CFAP54: variants seen among roughly 807,000 people sequenced by gnomAD.
CFAP54 encodes cilia- and flagella-associated protein 54.
CFAP54 carries 290 observed loss-of-function variants against 370.4 expected under a neutral mutation model. The observed-to-expected ratio is 0.78, with a 90% CI of 0.71 to 0.86. CFAP54 has a LOEUF of 0.86. CFAP54 is among the 40% of genes least tolerant of loss of function. The pLI is 0.00. For missense variants in CFAP54, 3,399 were observed against 3,528.7 expected, an observed-to-expected ratio of 0.96 and a Z score of 0.93; for synonymous variants, 1,206 against 1,236.5, an observed-to-expected ratio of 0.98 and a Z score of 0.52.
At chr12:96,679,864 C>G in intron 40 of CFAP54, 112 bp downstream of exon 40, 2 of 1,039,574 alleles carry the variant, frequency 1.9e-6, no homozygotes, top group Non-Finnish European at 2.8e-6. Context: ...GCAACACTCC[C>G]TGATGCCTTT....
intron 31 of CFAP54, 132 bp from the exon 32 acceptor site, chr12:96,630,418 TG>T: frequency 1.6e-6 from 1 of 612,864 alleles, no homozygotes; most frequent in Non-Finnish European, 2.7e-6. Context: ...CTGCTGCCTT[TG>T]ATAGTAATTT....
intron 60 of CFAP54, among the ~76,000 whole-genome samples, chr12:96,778,719 C>T (rs954235172): frequency 2.0e-5 from 3 of 152,100 alleles, no homozygotes; most frequent in African/African-American, 4.8e-5. Context: ...AGGGATGTGC[C>T]AATCTTATAT....
chr12:96,594,496 TAAC>T (rs1232233395), intron 25 of CFAP54, 50 bp downstream of exon 25: 27 of 1,331,590 alleles, frequency 2.0e-5, no homozygotes, highest in Non-Finnish European at 2.6e-5. Context: ...AAAGGCAACT[TAAC>T]AATTCATTTT....
At chr12:96,864,285 G>T (rs1193933669) in intron 67 of CFAP54, among the ~76,000 whole-genome samples, 1 of 152,194 alleles carries the variant, frequency 6.6e-6, no homozygotes, top group African/African-American at 2.4e-5. Flanking sequence ...GGCGAGGGAA[G>T]TCAGGAAAGA....
rs989403457 is a variant in CFAP54, at chr12:96,579,481, ATAGT to A, written c.2797-1111_2797-1108del. Among the ~76,000 whole-genome samples the A allele has an allele frequency of 6.6e-5, 10 of 152,222 alleles. 1 individual carries two copies. Among genetic ancestry groups the A allele is most frequent in the East Asian group, 1.9e-4 (1 of 5,180 alleles). On this transcript the variant is annotated intron_variant, in intron 20 of 67. Coordinates refer to ENST00000524981, the MANE Select transcript of CFAP54 (RefSeq NM_001306084.2). ...TGAGAACCACTTGTGTCAATTGGAC[ATAGT>A]TAGTATTTTTCTGTTGACCTGAAGG...
At chr12:96,788,470 C>T (rs1483440636) in intron 62 of CFAP54, among the ~76,000 whole-genome samples, 1 of 152,168 alleles carries the variant, frequency 6.6e-6, no homozygotes, top group Non-Finnish European at 1.5e-5. Flanking sequence ...CTACTTTGGA[C>T]TTTACCATTG....
chr12:96,664,815 A>ATATG (rs1957059988), intron 39 of CFAP54, among the ~76,000 whole-genome samples: 1 of 83,984 alleles, frequency 1.2e-5, no homozygotes, highest in Non-Finnish European at 2.4e-5. Flanking sequence ...ATATATATAG[A>ATATG]TATATATATG....
At chr12:96,841,739 C>A (rs1479083446) in intron 66 of CFAP54, among the ~76,000 whole-genome samples, 1 of 152,212 alleles carries the variant, frequency 6.6e-6, no homozygotes, top group East Asian at 1.9e-4. Flanking sequence ...GCGAACAAGT[C>A]ATTAGTCCTG....
chr12:96,691,017 G>T, intron 43 of CFAP54, 111 bp from the exon 44 acceptor site: 1 of 844,050 alleles, frequency 1.2e-6, no homozygotes, highest in South Asian at 1.6e-5. Context: ...AGTACAGTGT[G>T]CTAGGCATAT....
chr12:96,869,668 G>A (rs568923644), intron 67 of CFAP54, among the ~76,000 whole-genome samples: 48 of 152,224 alleles, frequency 3.2e-4, no homozygotes, highest in African/African-American at 9.6e-4. Context: ...GGGTGCAGTG[G>A]CTCATACCTG....
chr12:96,647,919 G>C lies in CFAP54; in HGVS notation c.4592G>C (p.Gly1531Ala). 3 of 1,512,732 alleles carry C rather than the reference G, an allele frequency of 2.0e-6. No homozygotes were observed. Among genetic ancestry groups the C allele is most frequent in the African/African-American group, 2.8e-5 (2 of 71,730 alleles). 93.7% of individuals were successfully genotyped at this position (1,512,732 alleles called of 1,614,324 possible). ...AACATGTTTTCACTGTATAATTCAG[G>C]AACAGTATTACCAACAAGAAAATTG... ...DPNMFSLYNS[G>A]TVLPTRKLTV... is the part of the protein sequence containing the mutation. Residue 1531 changes from glycine to alanine, a missense_variant, in exon 34 of 68, where the codon GGA (glycine) becomes GCA (alanine). Transcript: ENST00000524981.
At chr12:96,715,163 A>T (rs960700494) in intron 48 of CFAP54, among the ~76,000 whole-genome samples, 3 of 152,174 alleles carry the variant, frequency 2.0e-5, no homozygotes, top group Non-Finnish European at 4.4e-5. Context: ...AGAAGGGATG[A>T]AGTAGTTGTC....
chr12:96,744,297 A>G, intron 55 of CFAP54, 151 bp downstream of exon 55: 1 of 697,438 alleles, frequency 1.4e-6, no homozygotes, highest in African/African-American at 1.8e-5. Context: ...TTGATCACTT[A>G]TCATATGCCA....
At chr12:96,867,654 A>T (rs112489023) in intron 67 of CFAP54, among the ~76,000 whole-genome samples, 5 of 152,356 alleles carry the variant, frequency 3.3e-5, no homozygotes, top group South Asian at 4.1e-4. Context: ...TAAATAAGTC[A>T]GGCACAGAAA....
At chr12:96,625,183 C>A (rs1956536721) in intron 28 of CFAP54, among the ~76,000 whole-genome samples, 1 of 152,084 alleles carries the variant, frequency 6.6e-6, no homozygotes, top group Non-Finnish European at 1.5e-5. Context: ...AAAACTCATG[C>A]AACCTGTATA....
rs1033717309 is a variant in CFAP54, at chr12:96,805,748, C to T, written c.8851-5988C>T. 9.9e-5 allele frequency among the ~76,000 whole-genome samples: 15 copies of T among 151,938 alleles called. 1 individual carries two copies. The South Asian group carries it at 2.1e-3, about 21-fold the overall frequency. On this transcript the variant is annotated intron_variant, in intron 63 of 67. Transcript: ENST00000524981. ...GCAGTTCTACAACTGGGTGTATATC[C>T]AAAGGGAAATAAATTATTATGTCAA... is the stretch of plus-strand genomic sequence containing the variant.
chr12:96,743,965 C>T, intron 54 of CFAP54, 55 bp downstream of exon 54: 1 of 1,602,964 alleles, frequency 6.2e-7, no homozygotes, highest in Non-Finnish European at 8.5e-7. Flanking sequence ...TCTCTTTCCT[C>T]CTATTCCAAA....
At chr12:96,630,492 T>C (rs1956595426) in intron 31 of CFAP54, 59 bp from the exon 32 acceptor site, 4 of 883,602 alleles carry the variant, frequency 4.5e-6, no homozygotes, top group Admixed American at 3.4e-5. Context: ...TATGAATAAA[T>C]TATACTACTG....
At chr12:96,505,859 C>G (rs1489120537) in intron 3 of CFAP54, among the ~76,000 whole-genome samples, 2 of 152,064 alleles carry the variant, frequency 1.3e-5, no homozygotes, top group Non-Finnish European at 2.9e-5. Context: ...GGTGCATGAG[C>G]CTGTAACTGT....
Sources: allele counts gnomAD v4.1 joint callset (sites outside exome capture counted in the v4.1 genomes callset), GRCh38; gene constraint gnomAD v4.1.1; transcripts MANE v1.5; gene names NCBI Gene and HGNC (gene_info 2026-07-23, HGNC 2026-07-21).